The following FER variants were observed in gnomAD, a reference collection of about 807,000 sequenced individuals.
The protein encoded by FER is FER tyrosine kinase, also known as tyrosine-protein kinase Fer.
In FER, 63 loss-of-function variants were observed where a neutral mutation model predicts 111.0. The observed-to-expected ratio is 0.57, with a 90% CI of 0.46 to 0.70. FER has a LOEUF of 0.70. Among genes scored for constraint, FER ranks in the 30% least tolerant of loss-of-function variants. The probability of loss-of-function intolerance (pLI) is 0.00; values close to 1 mark genes in which losing one functional copy is unlikely to be tolerated. For synonymous variants in FER, 327 were observed against 313.9 expected, an observed-to-expected ratio of 1.04 and a Z score of -0.44; for missense variants, 914 against 954.0, an observed-to-expected ratio of 0.96 and a Z score of 0.55.
intron 10 of FER, among the ~76,000 whole-genome samples, chr5:108,902,422 T>C (rs1561588884): frequency 6.6e-6 from 1 of 152,242 alleles, no homozygotes; most frequent in African/African-American, 2.4e-5. Flanking sequence ...TGTGGGATGT[T>C]AAGAAGTGTA....
chr5:108,957,094 T>C (rs1483000377), intron 12 of FER, among the ~76,000 whole-genome samples: 1 of 151,662 alleles, frequency 6.6e-6, no homozygotes, highest in Non-Finnish European at 1.5e-5. Flanking sequence ...CCTAGCTCTG[T>C]CTTTACTTGT....
intron 14 of FER, among the ~76,000 whole-genome samples, chr5:109,038,278 T>A (rs1770674355): frequency 6.6e-6 from 1 of 151,920 alleles, no homozygotes; most frequent in African/African-American, 2.4e-5. Flanking sequence ...TCATTTTAGC[T>A]TATGGTGTGA....
At chr5:108,808,279 G>C (rs1293519570) in intron 3 of FER, among the ~76,000 whole-genome samples, 1 of 151,820 alleles carries the variant, frequency 6.6e-6, no homozygotes, top group African/African-American at 2.4e-5. Context: ...GAATCTAGGT[G>C]CTTCAATGTT....
At chr5:109,098,506 G>A (rs1357728619) in intron 16 of FER, among the ~76,000 whole-genome samples, 2 of 151,586 alleles carry the variant, frequency 1.3e-5, no homozygotes, top group Non-Finnish European at 3.0e-5. Flanking sequence ...AATACTATGT[G>A]GTTTCAAAAG....
chr5:108,830,221 A>C (rs1759895171), intron 3 of FER, among the ~76,000 whole-genome samples: 1 of 152,182 alleles, frequency 6.6e-6, no homozygotes, highest in African/African-American at 2.4e-5. Context: ...TGGGAGGCCA[A>C]AGTGGGTGGA....
intron 5 of FER, among the ~76,000 whole-genome samples, chr5:108,844,992 GTGTGTATATATATATATATATA>G (rs1761745790): frequency 1.8e-4 from 7 of 38,266 alleles, no homozygotes; most frequent in Admixed American, 5.7e-4. Context: ...TGGTGTGTGT[GTGTGTATATATATATATATATA>G]TATATATATA....
chr5:108,803,892 A>G (rs1481753511), intron 3 of FER, among the ~76,000 whole-genome samples: 1 of 152,018 alleles, frequency 6.6e-6, no homozygotes, highest in Non-Finnish European at 1.5e-5. Context: ...GTTTGATAGG[A>G]ATAGTGTTGA....
intron 13 of FER, among the ~76,000 whole-genome samples, chr5:109,002,643 A>G (rs989208002): frequency 2.6e-5 from 4 of 152,168 alleles, no homozygotes; most frequent in African/African-American, 4.8e-5. Context: ...GAAACTAAAA[A>G]CTTCTGCACA....
chr5:109,044,182 CT>C (rs577263932), intron 14 of FER, among the ~76,000 whole-genome samples: 195 of 132,376 alleles, frequency 1.5e-3, no homozygotes, highest in Admixed American at 1.9e-3. Context: ...TAAATCAGGC[CT>C]TTTTTTTTTT....
At chr5:108,938,882 C>T (rs1432490791) in intron 10 of FER, among the ~76,000 whole-genome samples, 4 of 151,990 alleles carry the variant, frequency 2.6e-5, no homozygotes. Context: ...TCCCCTTCCA[C>T]CCCTACAGAT....
intron 13 of FER, among the ~76,000 whole-genome samples, chr5:108,983,655 G>A (rs3851456): frequency 0.072 from 10,970 of 152,100 alleles, 982 homozygotes; most frequent in African/African-American, 0.21. Flanking sequence ...GAACACTGGA[G>A]TTACTCATCT....
intron 10 of FER, among the ~76,000 whole-genome samples, chr5:108,913,986 C>T (rs1751906171): frequency 6.6e-6 from 1 of 152,044 alleles, no homozygotes; most frequent in Non-Finnish European, 1.5e-5. Context: ...AGTGGTTCCC[C>T]TTGGTAGGGT....
In FER at chr5:109,035,183, G is replaced by A. The variant is rs549681616; in HGVS notation, c.1657-2239G>A. 2.0e-5 allele frequency among the ~76,000 whole-genome samples: 3 copies of A among 151,804 alleles called. No individual in the cohort carries two copies. In the South Asian group the frequency reaches 6.2e-4, roughly 32 times the overall value. Reference sequence around the variant, plus strand: ...CAAATAGGTAGGACTGCAAGTGTGCGCCACCACACCCAGCTAATTTTTGTA... The same window carrying A: ...CAAATAGGTAGGACTGCAAGTGTGCACCACCACACCCAGCTAATTTTTGTA... On this transcript the variant is annotated intron_variant, in intron 13 of 19. Transcript: ENST00000281092.
At chr5:109,054,758 G>T (rs1481320542) in intron 16 of FER, among the ~76,000 whole-genome samples, 1 of 152,100 alleles carries the variant, frequency 6.6e-6, no homozygotes, top group Non-Finnish European at 1.5e-5. Context: ...GTTAATTTTT[G>T]TATATAGTGT....
At chr5:109,015,969 G>A (rs546914049) in intron 13 of FER, among the ~76,000 whole-genome samples, 2 of 151,988 alleles carry the variant, frequency 1.3e-5, no homozygotes, top group African/African-American at 2.4e-5. Flanking sequence ...CTGAATGGGG[G>A]TGATTATTTG....
chr5:108,782,976 C>G (rs1754264343), intron 2 of FER, among the ~76,000 whole-genome samples: 1 of 152,194 alleles, frequency 6.6e-6, no homozygotes, highest in African/African-American at 2.4e-5. Flanking sequence ...GATCTATTTT[C>G]TGTCTTCTAC....
chr5:108,767,820 G>C (rs2149955061), intron 1 of FER, among the ~76,000 whole-genome samples: 1 of 152,286 alleles, frequency 6.6e-6, no homozygotes, highest in Non-Finnish European at 1.5e-5. Flanking sequence ...TGTAAACGTG[G>C]AGAAAAACAT....
At chr5:108,997,895 C>A (rs542014390) in intron 13 of FER, among the ~76,000 whole-genome samples, 1 of 152,180 alleles carries the variant, frequency 6.6e-6, no homozygotes, top group East Asian at 1.9e-4. Flanking sequence ...GTGGTAGGCT[C>A]CTCCCAGTTC....
At chr5:109,022,478 T>A (rs1768061440) in intron 13 of FER, among the ~76,000 whole-genome samples, 1 of 152,132 alleles carries the variant, frequency 6.6e-6, no homozygotes. Flanking sequence ...AAGTGAATAT[T>A]TGACTTTCCA....
Sources: allele counts gnomAD v4.1 joint callset (sites outside exome capture counted in the v4.1 genomes callset), GRCh38; gene constraint gnomAD v4.1.1; transcripts MANE v1.5; gene names NCBI Gene and HGNC (gene_info 2026-07-23, HGNC 2026-07-21).